The following ANO5 variants were observed in gnomAD, a reference collection of about 807,000 sequenced individuals.
The protein encoded by ANO5 is anoctamin-5.
A neutral mutation model predicts 121.0 loss-of-function variants in ANO5; 109 were observed. That is an observed-to-expected ratio of 0.90 (90% CI 0.77 to 1.06). ANO5 has a LOEUF of 1.06. Among genes scored for constraint, ANO5 ranks in the 50% least tolerant of loss-of-function variants. The pLI, the probability that ANO5 is intolerant of heterozygous loss-of-function variation, is 0.00. For synonymous variants in ANO5, 406 were observed against 359.9 expected, an observed-to-expected ratio of 1.13 and a Z score of -1.45; for missense variants, 1,064 against 1,078.5, an observed-to-expected ratio of 0.99 and a Z score of 0.19.
intron 9 of ANO5, among the ~76,000 whole-genome samples, chr11:22,240,401 A>G (rs78676962): frequency 6.6e-6 from 1 of 151,986 alleles, no homozygotes; most frequent in East Asian, 1.9e-4. Context: ...TTGATGATTT[A>G]TACTTGCATT....
rs143169088 is a variant in ANO5 at position 22,196,762 on chromosome 11, G to A, written c.40+3230G>A. Among the ~76,000 whole-genome samples, 247 of 152,204 alleles carry A rather than the reference G, an allele frequency of 1.6e-3. 4 individuals carry two copies. In the East Asian group the frequency reaches 0.026, roughly 16 times the overall value. ...CATGCACCTGTAGTCCCAGCTACTC[G>A]GGAGACTGAAGTGGGAGAATCCCTT... On this transcript the variant is annotated intron_variant, in intron 1 of 21. Coordinates refer to ENST00000324559, the MANE Select transcript of ANO5 (RefSeq NM_213599.3).
At chr11:22,213,623 C>CT (rs58554534) in intron 3 of ANO5, among the ~76,000 whole-genome samples, 6,413 of 148,730 alleles carry the variant, frequency 0.043, 450 homozygotes, top group African/African-American at 0.15. Context: ...TAAAGTTACT[C>CT]TTTTTTTTTT....
rs538890116 is a variant in ANO5 at position 22,227,710 on chromosome 11, T to G, written c.648+124T>G. On this transcript the variant is annotated intron_variant, in intron 7 of 21. Coordinates refer to ENST00000324559, the MANE Select transcript of ANO5 (RefSeq NM_213599.3). ...TGCTTCTGTATAGGATATAAGCATT[T>G]GGTGATATTGGGGAGTTTGAAAGTC... The G allele has an allele frequency of 4.1e-6, 5 of 1,220,722 alleles. No individual in the cohort carries two copies. In the African/African-American group the frequency reaches 7.5e-5, roughly 18 times the overall value. The allele number at this position is 1,220,722 out of a possible 1,614,324, so 75.6% of individuals were successfully genotyped here.
At chr11:22,257,100 TG>T (rs775547803) in intron 13 of ANO5, among the ~76,000 whole-genome samples, 1 of 152,222 alleles carries the variant, frequency 6.6e-6, no homozygotes, top group Non-Finnish European at 1.5e-5. Context: ...TGTTTTGTTT[TG>T]TTTTTTTACT....
At chr11:22,276,663 C>G (rs1854863986) in intron 21 of ANO5, among the ~76,000 whole-genome samples, 1 of 151,606 alleles carries the variant, frequency 6.6e-6, no homozygotes, top group Non-Finnish European at 1.5e-5. Flanking sequence ...GCCTCACTCC[C>G]AAGCTTATGC....
At chr11:22,234,635 C>T (rs901550943) in intron 7 of ANO5, among the ~76,000 whole-genome samples, 2 of 152,010 alleles carry the variant, frequency 1.3e-5, no homozygotes, top group African/African-American at 4.8e-5. Context: ...TTTGAAGACC[C>T]CTTTGTACTC....
chr11:22,273,024 T>G (rs1344264485), intron 19 of ANO5, 35 bp downstream of exon 19: 1 of 1,588,070 alleles, frequency 6.3e-7, no homozygotes, highest in Admixed American at 1.7e-5. Context: ...TGACTTTGTA[T>G]TTCATTTTGG....
chr11:22,217,036 T>A (rs116191005), intron 3 of ANO5, among the ~76,000 whole-genome samples: 179 of 152,088 alleles, frequency 1.2e-3, no homozygotes, highest in African/African-American at 4.1e-3. Flanking sequence ...ATATATTTTA[T>A]GTAATGACCA....
chr11:22,244,696 A>G (rs1224959645), intron 9 of ANO5, among the ~76,000 whole-genome samples: 2 of 151,852 alleles, frequency 1.3e-5, no homozygotes, highest in African/African-American at 2.4e-5. Flanking sequence ...GTTGTATTAT[A>G]AAATCCTTGT....
Position 22,239,633 on chromosome 11 carries a change from A to T in ANO5, c.827A>T (p.Asn276Ile). 6.2e-7 allele frequency: 1 copy of T among 1,612,934 alleles called. No homozygotes were observed. The highest frequency in any genetic ancestry group is 1.1e-5 in the South Asian group (1 of 91,074). Reference sequence around the variant, plus strand: ...AATGAAAGATACACACTTCACCAGAATTGGGCTCGATTTTCCTATTTCTAC... The same window carrying T: ...AATGAAAGATACACACTTCACCAGATTTGGGCTCGATTTTCCTATTTCTAC... ...PTNERYTLHQNWARFSYFYKE... is the reference protein window; with the variant it reads ...PTNERYTLHQIWARFSYFYKE... Residue 276 changes from asparagine (N) to isoleucine (I), a missense_variant, in exon 9 of 22, where the codon AAT becomes ATT. Physicochemically the swap from Asn to Ile is moderately radical, Grantham distance 149. Coordinates refer to ENST00000324559, the MANE Select transcript of ANO5 (RefSeq NM_213599.3).
intron 9 of ANO5, among the ~76,000 whole-genome samples, chr11:22,241,339 G>A (rs1370070835): frequency 6.6e-6 from 1 of 152,046 alleles, no homozygotes; most frequent in Non-Finnish European, 1.5e-5. Flanking sequence ...ATTGTGAATA[G>A]TGCTGCAATG....
chr11:22,226,111 T>C (rs1385671899), intron 6 of ANO5, 59 bp downstream of exon 6: 1 of 1,413,014 alleles, frequency 7.1e-7, no homozygotes, highest in Non-Finnish European at 1.0e-6. Flanking sequence ...TTTCTCCTAC[T>C]CTGGCCTTTG....
At chr11:22,263,084 C>T in intron 17 of ANO5, 41 bp downstream of exon 17, 1 of 1,493,772 alleles carries the variant, frequency 6.7e-7, no homozygotes, top group East Asian at 2.3e-5. Context: ...TTTAAGTAAC[C>T]ATGAGATATT....
intron 16 of ANO5, among the ~76,000 whole-genome samples, 173 bp downstream of exon 16, chr11:22,262,471 C>T (rs995302774): frequency 3.3e-5 from 5 of 152,132 alleles, no homozygotes; most frequent in Admixed American, 6.6e-5. Flanking sequence ...ATAAACTTCT[C>T]AGTTTATTTT....
At chr11:22,239,133 G>A (rs1405403383) in intron 8 of ANO5, among the ~76,000 whole-genome samples, 1 of 152,112 alleles carries the variant, frequency 6.6e-6, no homozygotes, top group African/African-American at 2.4e-5. Flanking sequence ...GGACAGAACA[G>A]GAGTCTCTTC....
At chr11:22,271,062 A>G (rs1404253039) in intron 18 of ANO5, among the ~76,000 whole-genome samples, 1 of 151,406 alleles carries the variant, frequency 6.6e-6, no homozygotes, top group Admixed American at 6.6e-5. Context: ...AGAATTAAGG[A>G]AACTGTTTGA....
chr11:22,226,543 A>G (rs1368566894), intron 6 of ANO5, among the ~76,000 whole-genome samples: 1 of 152,070 alleles, frequency 6.6e-6, no homozygotes, highest in East Asian at 1.9e-4. Flanking sequence ...CCTGGGCAAC[A>G]TAGCAAGATC....
At chr11:22,219,742 T>C (rs910672857) in intron 4 of ANO5, among the ~76,000 whole-genome samples, 4 of 152,000 alleles carry the variant, frequency 2.6e-5, no homozygotes, top group Admixed American at 2.6e-4. Flanking sequence ...AATCAAAGTA[T>C]AGTGTGATAG....
intron 9 of ANO5, among the ~76,000 whole-genome samples, chr11:22,245,075 C>T (rs1853574417): frequency 6.6e-6 from 1 of 152,284 alleles, no homozygotes; most frequent in Non-Finnish European, 1.5e-5. Context: ...AGGCTCTGTA[C>T]AGGGTCTTTA....
Sources: gnomAD v4.1 joint callset for allele counts (sites outside exome capture counted in the v4.1 genomes callset) on GRCh38, gnomAD v4.1.1 for gene constraint, MANE v1.5 for transcripts, NCBI Gene and HGNC (gene_info 2026-07-23, HGNC 2026-07-21) for gene names.